Variants in LRMDA observed in about 807,000 individuals in gnomAD.
LRMDA encodes leucine-rich melanocyte differentiation-associated protein.
A neutral mutation model predicts 29.8 loss-of-function variants in LRMDA; 18 were observed. The ratio of observed to expected loss-of-function variants is 0.60; its 90% confidence interval spans 0.42 to 0.90. The LOEUF (loss-of-function observed/expected upper bound fraction) is 0.90, where lower values mean the gene tolerates loss of function less well. LRMDA is among the 40% of genes least tolerant of loss of function. LRMDA has a pLI of 0.00. For missense variants in LRMDA, 273 were observed against 273.9 expected (o/e 1.00, Z 0.02); for synonymous variants, 125 against 109.4 (o/e 1.14, Z -0.89).
intron 2 of LRMDA, among the ~76,000 whole-genome samples, chr10:75,966,414 AGCACC>A: frequency 6.6e-6 from 1 of 152,318 alleles, no homozygotes; most frequent in East Asian, 1.9e-4. Context: ...GAAAGCACCT[AGCACC>A]GTGCTTAGGA....
At chr10:75,507,610 C>T (rs749678633) in intron 2 of LRMDA, among the ~76,000 whole-genome samples, 16 of 152,222 alleles carry the variant, frequency 1.1e-4, no homozygotes, top group Admixed American at 5.9e-4. Flanking sequence ...CGCATTGTTT[C>T]GGAGCCAGTT....
intron 2 of LRMDA, among the ~76,000 whole-genome samples, chr10:75,706,400 G>C (rs1033420215): frequency 6.6e-6 from 1 of 152,160 alleles, no homozygotes; most frequent in African/African-American, 2.4e-5. Flanking sequence ...TAGTTCACAA[G>C]ATTTTAAAAG....
chr10:75,947,509 A>G (rs1846497433), intron 2 of LRMDA, among the ~76,000 whole-genome samples: 1 of 152,146 alleles, frequency 6.6e-6, no homozygotes, highest in African/African-American at 2.4e-5. Context: ...TGTCCATTCC[A>G]TGCCACTGCA....
intron 5 of LRMDA, among the ~76,000 whole-genome samples, chr10:76,193,871 C>A (rs977915404): frequency 6.6e-6 from 1 of 152,114 alleles, no homozygotes. Flanking sequence ...CTAACTGGAG[C>A]TTTCAGGAGA....
intron 6 of LRMDA, among the ~76,000 whole-genome samples, chr10:76,513,544 T>A (rs1197594995): frequency 6.6e-6 from 1 of 152,208 alleles, no homozygotes; most frequent in Non-Finnish European, 1.5e-5. Flanking sequence ...ACCTCTCCCA[T>A]GGCAGTTGTT....
intron 5 of LRMDA, among the ~76,000 whole-genome samples, chr10:76,204,627 T>C (rs549112272): frequency 2.0e-5 from 3 of 152,234 alleles, no homozygotes; most frequent in African/African-American, 7.2e-5. Flanking sequence ...TAATCCCCAA[T>C]TGTAGGTCCA....
chr10:76,309,019 TA>T (rs72310338), intron 5 of LRMDA, among the ~76,000 whole-genome samples: 38,538 of 148,102 alleles, frequency 0.26, 6,136 homozygotes, highest in East Asian at 0.45. Context: ...TTAAATGGGT[TA>T]AAAAAAAAAA....
intron 2 of LRMDA, among the ~76,000 whole-genome samples, chr10:75,801,849 G>A (rs1373413270): frequency 6.6e-6 from 1 of 152,192 alleles, no homozygotes; most frequent in East Asian, 1.9e-4. Flanking sequence ...GACCAGTTAG[G>A]AGGCAGTTAT....
intron 6 of LRMDA, among the ~76,000 whole-genome samples, chr10:76,547,175 AAATGATGTTTTCCACCTAAG>A (rs1446494582): frequency 1.3e-5 from 2 of 152,184 alleles, no homozygotes; most frequent in Non-Finnish European, 2.9e-5. Flanking sequence ...TTCATGGTAA[AAATGATGTTTTCCACCTAAG>A]AAATGCAGGA....
intron 5 of LRMDA, among the ~76,000 whole-genome samples, chr10:76,277,226 G>A (rs1840147083): frequency 2.0e-5 from 3 of 152,168 alleles, no homozygotes; most frequent in South Asian, 2.1e-4. Flanking sequence ...TCTGTGATTG[G>A]GGCCTGCATT....
intron 2 of LRMDA, among the ~76,000 whole-genome samples, chr10:75,493,291 A>T (rs1000793585): frequency 4.6e-5 from 7 of 151,260 alleles, no homozygotes; most frequent in Non-Finnish European, 8.8e-5. Flanking sequence ...CGGAATTCTT[A>T]CAAGTTTTGG....
At chr10:76,016,806 G>A (rs1847886926) in intron 2 of LRMDA, among the ~76,000 whole-genome samples, 1 of 152,332 alleles carries the variant, frequency 6.6e-6, no homozygotes. Context: ...GTTTAAGGAG[G>A]TTGGATTTGA....
chr10:75,970,834 C>A (rs1846954191), intron 2 of LRMDA, among the ~76,000 whole-genome samples: 2 of 152,324 alleles, frequency 1.3e-5, no homozygotes, highest in South Asian at 4.1e-4. Flanking sequence ...CTCTTGAGTC[C>A]TAACTTCCAT....
At chr10:75,917,428 G>C (rs546245965) in intron 2 of LRMDA, among the ~76,000 whole-genome samples, 36 of 152,302 alleles carry the variant, frequency 2.4e-4, no homozygotes, top group African/African-American at 8.4e-4. Flanking sequence ...GTTCTCCACT[G>C]ACCCCACAGC....
At chr10:76,478,203 A>G (rs1842697638) in intron 6 of LRMDA, among the ~76,000 whole-genome samples, 1 of 151,726 alleles carries the variant, frequency 6.6e-6, no homozygotes, top group African/African-American at 2.4e-5. Context: ...ACAAATTTAC[A>G]AGAAAAAAAC....
chr10:76,003,384 A>T (rs1367459722), intron 2 of LRMDA, among the ~76,000 whole-genome samples: 1 of 151,474 alleles, frequency 6.6e-6, no homozygotes, highest in African/African-American at 2.4e-5. Flanking sequence ...TCTCTCTACC[A>T]TCCTCTCTCC....
At chr10:76,143,918 A>T (rs534832681) in intron 5 of LRMDA, among the ~76,000 whole-genome samples, 3 of 152,220 alleles carry the variant, frequency 2.0e-5, no homozygotes, top group Non-Finnish European at 4.4e-5. Context: ...ATGGCTAGCC[A>T]GTTTTCCCAG....
chr10:75,577,471 A>G (rs189725472), intron 2 of LRMDA, among the ~76,000 whole-genome samples: 32 of 152,362 alleles, frequency 2.1e-4, no homozygotes, highest in Admixed American at 5.2e-4. Flanking sequence ...AGTATTCAGG[A>G]TATTATCCAG....
At chr10:76,549,076 A>AT (rs1232024269) in intron 6 of LRMDA, among the ~76,000 whole-genome samples, 1 of 151,970 alleles carries the variant, frequency 6.6e-6, no homozygotes, top group Non-Finnish European at 1.5e-5. Context: ...CTTGCCCTGC[A>AT]TTTTTTTCTC....
Sources: allele counts gnomAD v4.1 joint callset (sites outside exome capture counted in the v4.1 genomes callset), GRCh38; gene constraint gnomAD v4.1.1; transcripts MANE v1.5; gene names NCBI Gene and HGNC (gene_info 2026-07-23, HGNC 2026-07-21).